CFAP47: variants seen among roughly 807,000 people sequenced by gnomAD.
The protein encoded by CFAP47 is cilia- and flagella-associated protein 47.
In CFAP47, 29 loss-of-function variants were observed where a neutral mutation model predicts 148.1. That is an observed-to-expected ratio of 0.20 (90% confidence interval 0.15 to 0.27). The LOEUF is 0.27. Among genes scored for constraint, CFAP47 ranks in the 10% least tolerant of loss-of-function variants. The pLI is 1.00. For missense variants in CFAP47, 1,872 were observed against 1,697.5 expected (o/e 1.10, Z -1.81); for synonymous variants, 664 against 577.3 (o/e 1.15, Z -2.15).
At chrX:36,000,528 C>CTTAAATGT in intron 20 of CFAP47, 101 bp downstream of exon 20, 1 of 268,496 alleles carries the variant, frequency 3.7e-6, no homozygotes, top group East Asian at 5.3e-5. Flanking sequence ...GGAAGTTCTT[C>CTTAAATGT]TTAAATGTTT....
At chrX:36,082,182 A>G (rs1253415787) in intron 29 of CFAP47, among the ~76,000 whole-genome samples, 1 of 111,484 alleles carries the variant, frequency 9.0e-6, no homozygotes, top group African/African-American at 3.3e-5. Context: ...TTTTCTCCGC[A>G]TCTTCTCCAA....
intron 32 of CFAP47, among the ~76,000 whole-genome samples, chrX:36,104,105 T>C (rs181355516): frequency 6.3e-4 from 71 of 112,042 alleles, no homozygotes; most frequent in East Asian, 4.5e-3. Flanking sequence ...TTTTGGCTTG[T>C]TAACTTATTT....
At chrX:36,211,430 T>C (rs1179831759) in intron 45 of CFAP47, 3 of 255,450 alleles carry the variant, frequency 1.2e-5, no homozygotes, top group Non-Finnish European at 2.2e-5. Flanking sequence ...TTCTGTTCTG[T>C]TCTGAGTATC....
intron 26 of CFAP47, among the ~76,000 whole-genome samples, chrX:36,054,156 C>T (rs952754136): frequency 5.3e-5 from 6 of 112,186 alleles, no homozygotes; most frequent in African/African-American, 1.3e-4. Context: ...ATGCAGTCAA[C>T]GGCTACCTTA....
chrX:36,223,577 G>A (rs1940237287), intron 45 of CFAP47, among the ~76,000 whole-genome samples: 1 of 110,945 alleles, frequency 9.0e-6, no homozygotes, highest in African/African-American at 3.3e-5. Context: ...TCTTCCATAT[G>A]TTTGATGTGT....
intron 62 of CFAP47, chrX:36,375,302 G>A (rs1245384818): frequency 6.7e-6 from 1 of 150,340 alleles, no homozygotes; most frequent in Non-Finnish European, 1.3e-5. Context: ...GGTTGTTCAG[G>A]TGCGTGTTAA....
intron 40 of CFAP47, among the ~76,000 whole-genome samples, chrX:36,179,652 G>T (rs1939727238): frequency 9.0e-6 from 1 of 111,404 alleles, no homozygotes; most frequent in African/African-American, 3.3e-5. Context: ...ATTATTTGTG[G>T]TAGTTATGTT....
chrX:36,080,351 C>G (rs1344878244), intron 29 of CFAP47, among the ~76,000 whole-genome samples: 3 of 111,385 alleles, frequency 2.7e-5, no homozygotes, highest in African/African-American at 9.8e-5. Context: ...CTAGTTCAAC[C>G]ATTAGTGGAA....
At chrX:35,968,281 A>G (rs1414877346) in intron 10 of CFAP47, among the ~76,000 whole-genome samples, 4 of 110,964 alleles carry the variant, frequency 3.6e-5, no homozygotes. Flanking sequence ...CATCATCATC[A>G]TCTTTGTTTG....
rs140425105 is a variant in CFAP47 at position 36,144,940 on chromosome X, C to T, written c.5536-279C>T. ...TGGGGGATTTGGGACTTGGCCTGAG[C>T]CATGCTTCTGGCTTCCCTGGGAGCC... On this transcript the variant is annotated intron_variant, in intron 35 of 63. Transcript: ENST00000378653. The T allele has an allele frequency of 2.7e-3, 2,147 of 802,569 alleles. 32 individuals carry two copies. In the African/African-American group the frequency reaches 0.042, roughly 16 times the overall value. 66.1% of individuals were successfully genotyped at this position (802,569 alleles called of 1,213,427 possible). A position where few individuals can be genotyped will look rare whatever the true frequency, so the allele number is the denominator to read the frequency against.
chrX:36,150,592 T>C (rs149212718), intron 37 of CFAP47, among the ~76,000 whole-genome samples: 1,784 of 111,878 alleles, frequency 0.016, 32 homozygotes, highest in African/African-American at 0.055. Context: ...TCTTTATTTC[T>C]GTACTAGTAT....
At chrX:36,210,403 G>A (rs781991881) in intron 45 of CFAP47, among the ~76,000 whole-genome samples, 26 of 112,267 alleles carry the variant, frequency 2.3e-4, no homozygotes, top group African/African-American at 7.4e-4. Context: ...CCATCCTAGT[G>A]AGCAGAAGTA....
intron 49 of CFAP47, among the ~76,000 whole-genome samples, chrX:36,279,321 C>A (rs1425046346): frequency 9.0e-6 from 1 of 111,322 alleles, no homozygotes; most frequent in Non-Finnish European, 1.9e-5. Flanking sequence ...CTAAGGAGAC[C>A]ACACTCCAAA....
intron 33 of CFAP47, among the ~76,000 whole-genome samples, chrX:36,121,198 C>T (rs896882396): frequency 9.0e-6 from 1 of 110,934 alleles, no homozygotes; most frequent in African/African-American, 3.3e-5. Context: ...TTTTTGGTTT[C>T]CATTGGCATG....
chrX:36,127,047 T>G (rs1938852579), intron 33 of CFAP47, among the ~76,000 whole-genome samples: 1 of 112,394 alleles, frequency 8.9e-6, no homozygotes, highest in African/African-American at 3.2e-5. Flanking sequence ...GTTGGTTGCC[T>G]GTTCACTCTG....
chrX:36,329,600 TAA>T (rs1941547683), intron 57 of CFAP47, among the ~76,000 whole-genome samples: 1 of 112,414 alleles, frequency 8.9e-6, no homozygotes, highest in South Asian at 3.6e-4. Flanking sequence ...TTTTCAATAA[TAA>T]GTTATAAAAA....
At chrX:36,099,255 T>A (rs1938332044) in intron 31 of CFAP47, among the ~76,000 whole-genome samples, 1 of 111,222 alleles carries the variant, frequency 9.0e-6, no homozygotes, top group Admixed American at 9.7e-5. Flanking sequence ...AAAATAGAAA[T>A]GTAGCAAGAA....
At chrX:36,080,599 C>T (rs755422663) in intron 29 of CFAP47, among the ~76,000 whole-genome samples, 78 of 111,455 alleles carry the variant, frequency 7.0e-4, no homozygotes, top group African/African-American at 2.5e-3. Flanking sequence ...ACTATGAAGC[C>T]ACAAAAAAGG....
chrX:36,210,550 G>C (rs1040185077), intron 45 of CFAP47, among the ~76,000 whole-genome samples: 10 of 112,123 alleles, frequency 8.9e-5, no homozygotes, highest in Admixed American at 1.9e-4. Context: ...TAAAAATTTA[G>C]TTGTCTTTTT....
Sources: allele counts gnomAD v4.1 joint callset (sites outside exome capture counted in the v4.1 genomes callset), GRCh38; gene constraint gnomAD v4.1.1; transcripts MANE v1.5; gene names NCBI Gene and HGNC (gene_info 2026-07-23, HGNC 2026-07-21).